The following EREG variants were observed in gnomAD, a reference collection of about 807,000 sequenced individuals.
The protein encoded by EREG is proepiregulin.
EREG carries 23 observed loss-of-function variants against 22.4 expected under a neutral mutation model. The observed-to-expected ratio is 1.03, with a 90% CI of 0.74 to 1.46. The LOEUF is 1.46. Among genes scored for constraint, EREG ranks in the 40% most tolerant of loss-of-function variants. EREG has a pLI of 0.00. For synonymous variants in EREG, 100 were observed against 75.4 expected (o/e 1.33, Z -1.69); for missense variants, 226 against 205.9 (o/e 1.10, Z -0.60).
chr4:74,376,786 G>A (rs958915565), intron 1 of EREG, among the ~76,000 whole-genome samples: 1 of 152,116 alleles, frequency 6.6e-6, no homozygotes, highest in South Asian at 2.1e-4. Flanking sequence ...CTTCTCTTCT[G>A]TGGTCACAAG....
chr4:74,371,916 C>G (rs1420856350), intron 1 of EREG, among the ~76,000 whole-genome samples: 1 of 151,870 alleles, frequency 6.6e-6, no homozygotes, highest in Non-Finnish European at 1.5e-5. Flanking sequence ...CTTTCCTTAC[C>G]ACCCTTAGGT....
At position 74,388,571 on chromosome 4, in the gene EREG, G is replaced by A. The variant is rs569471764; in HGVS notation, c.*3763G>A. On this transcript the variant is annotated 3_prime_UTR_variant, in exon 5 of 5. Transcript: ENST00000244869. ...AACTTATTTGACTATGAATGTTATCGGATTACTGAATTGTATCAATTTGTT... is the reference window on the plus strand; with the variant it reads ...AACTTATTTGACTATGAATGTTATCAGATTACTGAATTGTATCAATTTGTT... The A allele has an allele frequency of 2.6e-4, 39 of 152,422 alleles. No homozygotes were observed. The South Asian group carries it at 7.3e-3, about 28-fold the overall frequency. The allele number at this position is 152,422 out of a possible 1,614,324, so 9.4% of individuals were successfully genotyped here. A position where few individuals can be genotyped will look rare whatever the true frequency, so the allele number is the denominator to read the frequency against.
chr4:74,383,908 T>A (rs947363896), intron 4 of EREG, among the ~76,000 whole-genome samples: 11 of 152,078 alleles, frequency 7.2e-5, no homozygotes, highest in African/African-American at 2.7e-4. Flanking sequence ...TTTAGAGAGG[T>A]TCATTCAAAT....
At chr4:74,379,325 G>A in intron 1 of EREG, 123 bp from the exon 2 acceptor site, 1 of 601,396 alleles carries the variant, frequency 1.7e-6, no homozygotes. Context: ...TTTGTTTTAT[G>A]GTTTTGATGG....
At position 74,381,157 on chromosome 4, in the gene EREG, C is replaced by G. The variant is rs780340135; in HGVS notation, c.278+20C>G. Reference sequence around the variant, plus strand: ...CTGCAGGTAATATGTCAGAAATAAACAAACACAGTTTGTAAAATTTTGTTT... The same window carrying G: ...CTGCAGGTAATATGTCAGAAATAAAGAAACACAGTTTGTAAAATTTTGTTT... On this transcript the variant is annotated intron_variant, in intron 3 of 4. Coordinates refer to ENST00000244869, the MANE Select transcript of EREG (RefSeq NM_001432.3). 1 of 1,602,594 alleles carries G rather than the reference C, an allele frequency of 6.2e-7. No individual in the cohort carries two copies. The highest frequency in any genetic ancestry group is 2.2e-5 in the East Asian group (1 of 44,602).
chr4:74,375,778 A>G (rs961516449), intron 1 of EREG, among the ~76,000 whole-genome samples: 3 of 152,170 alleles, frequency 2.0e-5, no homozygotes, highest in Admixed American at 1.3e-4. Context: ...GAGAACCACT[A>G]TTTTAAAGCA....
At chr4:74,372,755 G>T (rs1235052271) in intron 1 of EREG, among the ~76,000 whole-genome samples, 1 of 150,096 alleles carries the variant, frequency 6.7e-6, no homozygotes, top group Non-Finnish European at 1.5e-5. Flanking sequence ...CACCTTTAGA[G>T]ATTTTAGTCA....
At chr4:74,369,034 C>G (rs1752247342) in intron 1 of EREG, among the ~76,000 whole-genome samples, 1 of 152,142 alleles carries the variant, frequency 6.6e-6, no homozygotes, top group Non-Finnish European at 1.5e-5. Context: ...AATGATTTAA[C>G]TTACTAGGAT....
intron 1 of EREG, among the ~76,000 whole-genome samples, chr4:74,371,424 A>G (rs538160542): frequency 6.6e-6 from 1 of 152,278 alleles, no homozygotes; most frequent in African/African-American, 2.4e-5. Flanking sequence ...ACTGTCTCTG[A>G]TTATTCCTTT....
intron 1 of EREG, among the ~76,000 whole-genome samples, chr4:74,376,395 C>T (rs558733851): frequency 7.2e-5 from 11 of 152,264 alleles, no homozygotes; most frequent in East Asian, 1.9e-4. Flanking sequence ...GATGTAAGCA[C>T]GTGCAACTAA....
intron 1 of EREG, among the ~76,000 whole-genome samples, chr4:74,373,363 T>G (rs1201544409): frequency 6.6e-6 from 1 of 152,050 alleles, no homozygotes; most frequent in Non-Finnish European, 1.5e-5. Context: ...GGCATATTAA[T>G]ATTTTTGCTA....
In EREG at chr4:74,381,086, G is replaced by T. The variant is rs771860305; in HGVS notation, c.227G>T (p.Cys76Phe). 1.4e-5 allele frequency: 22 copies of T among 1,613,580 alleles called. No individual in the cohort carries two copies. The highest frequency in any genetic ancestry group is 6.7e-5 in the East Asian group (3 of 44,868). ...TGTAGCTCTGACATGAATGGCTATTGTTTGCATGGACAGTGCATCTATCTG... is the reference window on the plus strand; with the variant it reads ...TGTAGCTCTGACATGAATGGCTATTTTTTGCATGGACAGTGCATCTATCTG... ...TKCSSDMNGY[C>F]LHGQCIYLVD... Residue 76 changes from cysteine to phenylalanine, a missense_variant, in exon 3 of 5, where the codon TGT (cysteine) becomes TTT (phenylalanine). Transcript: ENST00000244869.
At chr4:74,373,884 C>T (rs1218064835) in intron 1 of EREG, among the ~76,000 whole-genome samples, 1 of 151,846 alleles carries the variant, frequency 6.6e-6, no homozygotes. Context: ...GAAGCAAGAG[C>T]TTATCAAATA....
At chr4:74,382,595 G>A (rs770994690) in intron 3 of EREG, 50 bp from the exon 4 acceptor site, 1 of 1,468,598 alleles carries the variant, frequency 6.8e-7, no homozygotes. Context: ...TCATAACCAT[G>A]ATTTCCTTTT....
intron 1 of EREG, among the ~76,000 whole-genome samples, chr4:74,367,436 GT>G (rs1752205016): frequency 6.6e-6 from 1 of 152,072 alleles, no homozygotes; most frequent in African/African-American, 2.4e-5. Context: ...TTTTTATCTT[GT>G]GATTTTTCTA....
intron 4 of EREG, among the ~76,000 whole-genome samples, 174 bp downstream of exon 4, chr4:74,382,968 G>A (rs2367709): frequency 0.69 from 105,520 of 152,122 alleles, 37,511 homozygotes; most frequent in Middle Eastern, 0.77. Context: ...CTGAGTGATG[G>A]GATCAGCTGT....
intron 1 of EREG, among the ~76,000 whole-genome samples, chr4:74,367,531 C>T (rs559458082): frequency 1.3e-5 from 2 of 152,132 alleles, no homozygotes; most frequent in Admixed American, 1.3e-4. Flanking sequence ...TTTATTCATG[C>T]CTACATGGGT....
At chr4:74,384,602 T>A in intron 4 of EREG, 125 bp from the exon 5 acceptor site, 1 of 476,100 alleles carries the variant, frequency 2.1e-6, no homozygotes, top group Non-Finnish European at 3.9e-6. Flanking sequence ...TTGTCCAACC[T>A]AAATCTGTTC....
At position 74,386,616 on chromosome 4, in the gene EREG, C is replaced by A. The variant is rs1026974577; in HGVS notation, c.*1808C>A. Reference sequence around the variant, plus strand: ...ATCAATTAGATCTAAACAGTTATTTCTGTTTCCTATTTAATACAGCTGAAG... The same window carrying A: ...ATCAATTAGATCTAAACAGTTATTTATGTTTCCTATTTAATACAGCTGAAG... On this transcript the variant is annotated 3_prime_UTR_variant, in exon 5 of 5. Coordinates refer to ENST00000244869, the MANE Select transcript of EREG (RefSeq NM_001432.3). The A allele has an allele frequency of 2.0e-5, 3 of 152,144 alleles. No individual in the cohort carries two copies. Among genetic ancestry groups the A allele is most frequent in the African/African-American group, 7.2e-5 (3 of 41,430 alleles). 9.4% of individuals were successfully genotyped at this position (152,144 alleles called of 1,614,324 possible).
Sources: allele counts gnomAD v4.1 joint callset (sites outside exome capture counted in the v4.1 genomes callset), GRCh38; gene constraint gnomAD v4.1.1; transcripts MANE v1.5; gene names NCBI Gene and HGNC (gene_info 2026-07-23, HGNC 2026-07-21).